SDK1: variants seen among roughly 807,000 people sequenced by gnomAD.
SDK1 encodes protein sidekick-1.
SDK1 carries 157 observed loss-of-function variants against 245.5 expected under a neutral mutation model. The observed-to-expected ratio is 0.64, with a 90% confidence interval of 0.56 to 0.73. SDK1 has a LOEUF of 0.73. SDK1 is among the 30% of genes least tolerant of loss of function. The pLI, the probability that SDK1 is intolerant of heterozygous loss-of-function variation, is 0.00. For synonymous variants in SDK1, 1,647 were observed against 1,278.5 expected (o/e 1.29, Z -6.15); for missense variants, 3,583 against 3,002.3 (o/e 1.19, Z -4.52).
chr7:3,885,569 C>T (rs1189110319), intron 5 of SDK1, among the ~76,000 whole-genome samples: 1 of 152,204 alleles, frequency 6.6e-6, no homozygotes, highest in Non-Finnish European at 1.5e-5. Flanking sequence ...CTGGCTGCGG[C>T]TCCCAGCCCT....
intron 9 of SDK1, among the ~76,000 whole-genome samples, chr7:3,963,825 C>T (rs1252275991): frequency 7.9e-5 from 12 of 152,038 alleles, no homozygotes; most frequent in Non-Finnish European, 1.0e-4. Context: ...ACACCCAGGC[C>T]GACGGCTACC....
intron 17 of SDK1, among the ~76,000 whole-genome samples, chr7:4,041,384 C>G (rs1788626227): frequency 6.6e-6 from 1 of 151,610 alleles, no homozygotes; most frequent in African/African-American, 2.4e-5. Context: ...TGTACAAAGC[C>G]TCTCCCACTA....
chr7:3,942,029 C>T (rs374000719), intron 5 of SDK1, among the ~76,000 whole-genome samples: 1 of 151,896 alleles, frequency 6.6e-6, no homozygotes, highest in Non-Finnish European at 1.5e-5. Flanking sequence ...CTGCCTCAGC[C>T]TCCCGTAGCT....
intron 30 of SDK1, among the ~76,000 whole-genome samples, chr7:4,154,620 C>T (rs1562895543): frequency 1.3e-5 from 2 of 152,134 alleles, no homozygotes; most frequent in East Asian, 3.9e-4. Context: ...CTGTGTGCCA[C>T]GATCCACCCG....
chr7:3,853,979 C>G (rs923198178), intron 5 of SDK1, among the ~76,000 whole-genome samples: 2 of 151,968 alleles, frequency 1.3e-5, no homozygotes, highest in African/African-American at 4.8e-5. Context: ...CAGAGCAAGA[C>G]TCCGTCTCAA....
intron 13 of SDK1, among the ~76,000 whole-genome samples, chr7:3,984,392 G>A (rs10215031): frequency 0.47 from 71,817 of 152,068 alleles, 18,174 homozygotes; most frequent in South Asian, 0.69. Flanking sequence ...TAAGAGAAGC[G>A]TGATTTGAAA....
intron 1 of SDK1, among the ~76,000 whole-genome samples, chr7:3,324,492 A>G (rs1476684293): frequency 6.6e-6 from 1 of 152,156 alleles, no homozygotes; most frequent in Non-Finnish European, 1.5e-5. Flanking sequence ...GGAGGATAGG[A>G]TAAGAATAGG....
chr7:3,739,981 TG>T (rs1192973214), intron 4 of SDK1, among the ~76,000 whole-genome samples: 1 of 152,238 alleles, frequency 6.6e-6, no homozygotes, highest in Non-Finnish European at 1.5e-5. Flanking sequence ...ATATATTCTA[TG>T]TATGTTTAGC....
chr7:3,490,145 A>G (rs964941415), intron 1 of SDK1, among the ~76,000 whole-genome samples: 1 of 152,218 alleles, frequency 6.6e-6, no homozygotes, highest in East Asian at 1.9e-4. Context: ...ACTATGGACT[A>G]CTAGTATAGT....
intron 1 of SDK1, among the ~76,000 whole-genome samples, chr7:3,343,237 T>G (rs115376267): frequency 6.6e-6 from 1 of 152,018 alleles, no homozygotes; most frequent in African/African-American, 2.4e-5. Flanking sequence ...GAAGCTTTAT[T>G]TATAATAAAT....
intron 38 of SDK1, among the ~76,000 whole-genome samples, chr7:4,216,496 G>C (rs1022592638): frequency 6.6e-6 from 1 of 152,176 alleles, no homozygotes; most frequent in South Asian, 2.1e-4. Flanking sequence ...ATTCCCAACG[G>C]GGAACCACAA....
At chr7:3,593,263 T>C (rs1248411381) in intron 1 of SDK1, among the ~76,000 whole-genome samples, 4 of 152,138 alleles carry the variant, frequency 2.6e-5, no homozygotes. Flanking sequence ...TATTTCTACA[T>C]AGAAGCACTG....
chr7:3,414,752 A>C (rs1779314233), intron 1 of SDK1, among the ~76,000 whole-genome samples: 1 of 152,016 alleles, frequency 6.6e-6, no homozygotes, highest in Non-Finnish European at 1.5e-5. Context: ...CTACTCCTCC[A>C]TTCCCCCAGC....
At chr7:3,742,146 T>C (rs1779496329) in intron 4 of SDK1, among the ~76,000 whole-genome samples, 1 of 151,768 alleles carries the variant, frequency 6.6e-6, no homozygotes, top group Non-Finnish European at 1.5e-5. Context: ...TCTTTTTTTT[T>C]TTACCCCCAT....
At chr7:4,215,124 C>A (rs1468920529) in intron 38 of SDK1, among the ~76,000 whole-genome samples, 2 of 152,224 alleles carry the variant, frequency 1.3e-5, no homozygotes, top group Non-Finnish European at 2.9e-5. Context: ...GAGACACTAA[C>A]CCCAGGCCTG....
chr7:3,600,657 T>C (rs1304481625), intron 1 of SDK1, among the ~76,000 whole-genome samples: 1 of 149,564 alleles, frequency 6.7e-6, no homozygotes, highest in Non-Finnish European at 1.5e-5. Context: ...CACGCCATTC[T>C]CCTACCTCAG....
intron 5 of SDK1, among the ~76,000 whole-genome samples, chr7:3,877,590 T>C (rs780951013): frequency 1.3e-5 from 2 of 152,188 alleles, no homozygotes; most frequent in Non-Finnish European, 2.9e-5. Flanking sequence ...ACTTTGGTTA[T>C]AAAAGTATTA....
chr7:3,682,674 TCTC>T (rs1784142299), intron 4 of SDK1, among the ~76,000 whole-genome samples: 1 of 151,952 alleles, frequency 6.6e-6, no homozygotes, highest in Non-Finnish European at 1.5e-5. Context: ...TCCAACCTGC[TCTC>T]CTCTCTCAGA....
rs79086570 is a variant in SDK1 at position 3,731,501 on chromosome 7, A to G, written c.713+89396A>G. 5.8e-3 allele frequency among the ~76,000 whole-genome samples: 880 copies of G among 152,288 alleles called. 7 individuals are homozygous for G. The highest frequency in any genetic ancestry group is 0.02 in the African/African-American group (823 of 41,572). ...GTTGCCAGATGACGTTTCTTCTGCT[A>G]TTCTTTCATGTTTAGTAGTGTCGCT... is the stretch of plus-strand genomic sequence containing the variant. On this transcript the variant is annotated intron_variant, in intron 4 of 44. Coordinates refer to ENST00000404826, the MANE Select transcript of SDK1 (RefSeq NM_152744.4).
Sources: gnomAD v4.1 joint callset for allele counts (sites outside exome capture counted in the v4.1 genomes callset) on GRCh38, gnomAD v4.1.1 for gene constraint, MANE v1.5 for transcripts, NCBI Gene and HGNC (gene_info 2026-07-23, HGNC 2026-07-21) for gene names.